Variants in HIVEP1 observed in about 807,000 individuals in gnomAD.
HIVEP1 encodes zinc finger protein 40.
A neutral mutation model predicts 180.0 loss-of-function variants in HIVEP1; 36 were observed. The ratio of observed to expected loss-of-function variants is 0.20; its 90% CI spans 0.15 to 0.26. The LOEUF (loss-of-function observed/expected upper bound fraction) is 0.26, where lower values mean the gene tolerates loss of function less well. Among genes scored for constraint, HIVEP1 ranks in the 10% least tolerant of loss-of-function variants. The pLI, the probability that HIVEP1 is intolerant of heterozygous loss-of-function variation, is 1.00. For missense variants in HIVEP1, 3,143 were observed against 3,268.7 expected, an observed-to-expected ratio of 0.96 and a Z score of 0.94; for synonymous variants, 1,239 against 1,239.0, an observed-to-expected ratio of 1.00 and a Z score of 0.00.
rs528542836 is a variant in HIVEP1 at position 12,139,590 on chromosome 6, C to T, written c.6487+3698C>T. On this transcript the variant is annotated intron_variant, in intron 7 of 8. Transcript: ENST00000379388. ...GGATTTCCCTTTCCTAGCCAAGGGA[C>T]GCTGTGACAGACAGTACCTGGAAAA... 5.8e-3 allele frequency among the ~76,000 whole-genome samples: 891 copies of T among 152,334 alleles called. 7 individuals are homozygous for T. The highest frequency in any genetic ancestry group is 9.9e-3 in the Non-Finnish European group (671 of 68,038).
chr6:12,052,735 A>C (rs4598055), intron 2 of HIVEP1, among the ~76,000 whole-genome samples: 22,684 of 152,236 alleles, frequency 0.15, 2,186 homozygotes, highest in Non-Finnish European at 0.22. Context: ...ACAAATTCTT[A>C]CTGTTCCCAG....
the HIVEP1 span, among the ~76,000 whole-genome samples, chr6:12,184,327 T>C: frequency 8.0e-3 from 1,215 of 152,302 alleles, 10 homozygotes; most frequent in Non-Finnish European, 0.013. Context: ...AAGATTTAGA[T>C]ATAAATATCT....
Position 12,099,349 on chromosome 6 carries a change from G to A in HIVEP1, c.94+10112G>A, listed in dbSNP as rs569740135. Among the ~76,000 whole-genome samples, 262 of 152,036 alleles carry A rather than the reference G, an allele frequency of 1.7e-3. 2 individuals carry two copies. The highest frequency in any genetic ancestry group is 5.8e-3 in the African/African-American group (241 of 41,400). Reference sequence around the variant, plus strand: ...CGCCCGGCTATTTTTTGTAGTTTTAGTAGAGACGGGGTTTCACCGTTTTAG... The same window carrying A: ...CGCCCGGCTATTTTTTGTAGTTTTAATAGAGACGGGGTTTCACCGTTTTAG... On this transcript the variant is annotated intron_variant, in intron 3 of 8. Transcript: ENST00000379388.
At chr6:12,139,383 T>C (rs923317137) in intron 7 of HIVEP1, among the ~76,000 whole-genome samples, 18 of 152,260 alleles carry the variant, frequency 1.2e-4, no homozygotes, top group Middle Eastern at 6.8e-3. Flanking sequence ...GATGGCCAAA[T>C]AGGAACAGCT....
rs35957644 is a variant in HIVEP1, at chr6:12,122,983, C to T, written c.3188C>T (p.Ala1063Val). ...KSSEGLQFQNALGCNPSLPKH... is the reference protein window; with the variant it reads ...KSSEGLQFQNVLGCNPSLPKH... ...TCTGAAGGCCTTCAGTTTCAGAATG[C>T]TCTGGGCTGTAATCCCAGTTTGCCT... The change falls in exon 4 of 9, where the codon GCT (alanine) becomes GTT (valine). Residue 1063 changes from alanine to valine, a missense_variant. By Grantham distance (64) the Ala-to-Val change is moderately conservative. Coordinates refer to ENST00000379388, the MANE Select transcript of HIVEP1 (RefSeq NM_002114.4). 85 of 1,614,032 alleles carry T rather than the reference C, an allele frequency of 5.3e-5. No homozygotes were observed. The African/African-American group carries it at 1.1e-3, about 20-fold the overall frequency.
intron 3 of HIVEP1, among the ~76,000 whole-genome samples, chr6:12,117,431 A>G (rs1302948736): frequency 6.6e-6 from 1 of 152,218 alleles, no homozygotes; most frequent in Non-Finnish European, 1.5e-5. Flanking sequence ...ATTTATAGAA[A>G]ATAGTTTCTC....
intron 2 of HIVEP1, among the ~76,000 whole-genome samples, chr6:12,061,522 AT>A (rs1367940959): frequency 6.6e-6 from 1 of 152,104 alleles, no homozygotes; most frequent in Non-Finnish European, 1.5e-5. Context: ...AAGTTAGAAG[AT>A]TTTTTTCTGC....
chr6:12,043,241 C>G (rs1252156992), intron 2 of HIVEP1, among the ~76,000 whole-genome samples: 2 of 151,926 alleles, frequency 1.3e-5, no homozygotes, highest in East Asian at 3.8e-4. Context: ...CTGTTTTTAC[C>G]TACTCTCTTT....
intron 2 of HIVEP1, among the ~76,000 whole-genome samples, chr6:12,018,227 A>G (rs547912862): frequency 2.8e-4 from 43 of 152,326 alleles, no homozygotes; most frequent in African/African-American, 1.0e-3. Flanking sequence ...TAGCTGGCCT[A>G]CAAGCGCCAC....
At chr6:12,158,136 G>GT (rs1232541710) in intron 7 of HIVEP1, among the ~76,000 whole-genome samples, 2 of 152,134 alleles carry the variant, frequency 1.3e-5, no homozygotes, top group Non-Finnish European at 2.9e-5. Flanking sequence ...TCTGAAGTAT[G>GT]TTTTTTTCTT....
intron 2 of HIVEP1, among the ~76,000 whole-genome samples, chr6:12,021,564 A>G (rs1353329701): frequency 6.6e-6 from 1 of 152,118 alleles, no homozygotes; most frequent in Non-Finnish European, 1.5e-5. Flanking sequence ...ACAATATTAC[A>G]TCATGATCAT....
At chr6:12,179,813 G>T in the HIVEP1 span, among the ~76,000 whole-genome samples, 5 of 151,894 alleles carry the variant, frequency 3.3e-5, no homozygotes, top group Non-Finnish European at 7.4e-5. Flanking sequence ...CCCAACAGTA[G>T]TTACTTATAA....
chr6:12,126,129 CTATA>C (rs1258082480), intron 4 of HIVEP1, among the ~76,000 whole-genome samples: 1 of 152,152 alleles, frequency 6.6e-6, no homozygotes, highest in Admixed American at 6.5e-5. Flanking sequence ...TCTCAGCTAA[CTATA>C]TAAGTCTTTA....
chr6:12,066,018 G>A (rs1480050327), intron 2 of HIVEP1, among the ~76,000 whole-genome samples: 1 of 152,124 alleles, frequency 6.6e-6, no homozygotes, highest in East Asian at 1.9e-4. Flanking sequence ...AGGTGTAAAG[G>A]AACATTGGGG....
the HIVEP1 span, among the ~76,000 whole-genome samples, chr6:12,205,448 G>A: frequency 9.0e-4 from 137 of 151,756 alleles, 1 homozygote; most frequent in African/African-American, 3.1e-3. Context: ...TCCAGCCTGG[G>A]TGACAGAGCA....
chr6:12,156,674 A>G (rs187657000), intron 7 of HIVEP1, among the ~76,000 whole-genome samples: 290 of 152,150 alleles, frequency 1.9e-3, no homozygotes, highest in African/African-American at 6.5e-3. Context: ...CAATTAATTG[A>G]TTTCTGGTTT....
rs144050981 is a variant in HIVEP1, at chr6:12,129,085, C to T, written c.6076-674C>T. Among the ~76,000 whole-genome samples the T allele has an allele frequency of 2.5e-3, 374 of 152,234 alleles. 2 individuals carry two copies. The highest frequency in any genetic ancestry group is 3.5e-3 in the South Asian group (17 of 4,822). ...GGTAGCCAGGTGTGGTGGCTCAGGCCTGTGGTCCTAGCTACTCAGGAGGCT... is the reference window on the plus strand; with the variant it reads ...GGTAGCCAGGTGTGGTGGCTCAGGCTTGTGGTCCTAGCTACTCAGGAGGCT... On this transcript the variant is annotated intron_variant, in intron 4 of 8. Transcript: ENST00000379388.
chr6:12,085,414 A>T (rs1284815327), intron 2 of HIVEP1, among the ~76,000 whole-genome samples: 1 of 152,104 alleles, frequency 6.6e-6, no homozygotes, highest in East Asian at 1.9e-4. Flanking sequence ...AGAAGTGGCA[A>T]AGGGCAAAGA....
chr6:12,196,493 C>A, the HIVEP1 span, among the ~76,000 whole-genome samples: 1 of 152,214 alleles, frequency 6.6e-6, no homozygotes, highest in Admixed American at 6.5e-5. Context: ...CCTCTGTAGC[C>A]ACTGATCCTG....
Sources: gnomAD v4.1 joint callset for allele counts (sites outside exome capture counted in the v4.1 genomes callset) on GRCh38, gnomAD v4.1.1 for gene constraint, MANE v1.5 for transcripts, NCBI Gene and HGNC (gene_info 2026-07-23, HGNC 2026-07-21) for gene names.